TACR1: variants seen among roughly 807,000 people sequenced by gnomAD.
TACR1 encodes the protein tachykinin receptor 1, also known as substance-P receptor.
A neutral mutation model predicts 35.8 loss-of-function variants in TACR1; 25 were observed. The observed-to-expected ratio is 0.70, with a 90% CI of 0.51 to 0.98. The LOEUF (loss-of-function observed/expected upper bound fraction) is 0.98. Among genes scored for constraint, TACR1 ranks in the 50% least tolerant of loss-of-function variants. TACR1 has a pLI of 0.00. For synonymous variants in TACR1, 195 were observed against 206.7 expected (o/e 0.94, Z 0.48); for missense variants, 478 against 522.9 (o/e 0.91, Z 0.84).
chr2:75,199,206 C>A lies in TACR1; in HGVS notation c.-272G>T. On this transcript the variant is annotated 5_prime_UTR_variant, in exon 1 of 5. Coordinates refer to ENST00000305249, the MANE Select transcript of TACR1 (RefSeq NM_001058.4). ...TCAGAAGTCTGGAGACAGCATCTCT[C>A]TTGCGGTAAACTGAAAAAGGGAAAG... 1 of 426,158 alleles carries A rather than the reference C, an allele frequency of 2.3e-6. No homozygotes were observed. The highest frequency in any genetic ancestry group is 4.2e-6 in the Non-Finnish European group (1 of 235,788). The allele number at this position is 426,158 out of a possible 1,614,324, so 26.4% of individuals were successfully genotyped here. A position where few individuals can be genotyped will look rare whatever the true frequency, so the allele number is the denominator to read the frequency against.
intron 2 of TACR1, among the ~76,000 whole-genome samples, chr2:75,071,667 C>T (rs911203254): frequency 6.6e-6 from 1 of 152,206 alleles, no homozygotes; most frequent in Non-Finnish European, 1.5e-5. Flanking sequence ...AATGACCTTC[C>T]TGTCCAGGCT....
intron 1 of TACR1, among the ~76,000 whole-genome samples, chr2:75,158,812 G>GCCAACA (rs1674929829): frequency 6.6e-6 from 1 of 152,142 alleles, no homozygotes; most frequent in Non-Finnish European, 1.5e-5. Context: ...TGATTTAGCT[G>GCCAACA]GAGTTGGGCC....
chr2:75,129,902 G>A (rs1218351773), intron 1 of TACR1, among the ~76,000 whole-genome samples: 1 of 152,136 alleles, frequency 6.6e-6, no homozygotes, highest in Non-Finnish European at 1.5e-5. Flanking sequence ...GAAGGGGAAT[G>A]ATATTTCCCT....
intron 2 of TACR1, among the ~76,000 whole-genome samples, chr2:75,113,212 T>C (rs17010754): frequency 6.6e-6 from 1 of 152,018 alleles, no homozygotes; most frequent in Non-Finnish European, 1.5e-5. Context: ...CATCCATTTA[T>C]TCTTATTGTG....
At chr2:75,051,185 G>A (rs201170635) in intron 4 of TACR1, 66 bp downstream of exon 4, 18 of 1,601,652 alleles carry the variant, frequency 1.1e-5, no homozygotes, top group Middle Eastern at 1.8e-4. Flanking sequence ...TAGGATGGCC[G>A]CTTGGCCACT....
intron 1 of TACR1, chr2:75,154,410 G>GCACACACACACACA (rs766455987): frequency 2.7e-5 from 2 of 75,414 alleles, no homozygotes; most frequent in African/African-American, 9.8e-5. Context: ...GAGCGCGCAC[G>GCACACACACACACA]CACACACACA....
chr2:75,094,806 G>A (rs1475047761), intron 2 of TACR1, among the ~76,000 whole-genome samples: 1 of 145,830 alleles, frequency 6.9e-6, no homozygotes, highest in Non-Finnish European at 1.5e-5. Context: ...AGAGTTTGTG[G>A]GAATGGAAAT....
chr2:75,052,504 C>T (rs968242740), intron 3 of TACR1, among the ~76,000 whole-genome samples: 3 of 151,522 alleles, frequency 2.0e-5, no homozygotes, highest in African/African-American at 7.3e-5. Flanking sequence ...AGCATTCATA[C>T]AATGCTATGC....
chr2:75,182,638 T>G (rs774233410), intron 1 of TACR1, among the ~76,000 whole-genome samples: 1 of 152,226 alleles, frequency 6.6e-6, no homozygotes, highest in Non-Finnish European at 1.5e-5. Flanking sequence ...TATGTTTGGA[T>G]AGACAAAAAC....
chr2:75,100,555 G>A (rs17010738), intron 2 of TACR1, among the ~76,000 whole-genome samples: 12,326 of 152,116 alleles, frequency 0.081, 934 homozygotes, highest in East Asian at 0.28. Context: ...TGACTCTGTG[G>A]TAATGAATGG....
chr2:75,141,822 T>C (rs1674414079), intron 1 of TACR1, among the ~76,000 whole-genome samples: 1 of 152,160 alleles, frequency 6.6e-6, no homozygotes, highest in Non-Finnish European at 1.5e-5. Context: ...TTTTCATACC[T>C]GGGACTGGGC....
chr2:75,177,191 C>T (rs1675442198), intron 1 of TACR1, among the ~76,000 whole-genome samples: 1 of 152,012 alleles, frequency 6.6e-6, no homozygotes, highest in African/African-American at 2.4e-5. Flanking sequence ...ACTACACCAT[C>T]TGCCTGCTGC....
intron 2 of TACR1, among the ~76,000 whole-genome samples, chr2:75,058,888 A>C (rs1385479445): frequency 6.6e-6 from 1 of 152,254 alleles, no homozygotes; most frequent in Non-Finnish European, 1.5e-5. Context: ...TTCTGAAATA[A>C]TCCTCAGCAT....
intron 1 of TACR1, among the ~76,000 whole-genome samples, chr2:75,180,115 G>A (rs530569956): frequency 1.2e-4 from 19 of 152,266 alleles, no homozygotes; most frequent in African/African-American, 4.6e-4. Flanking sequence ...CCAGGTCTTT[G>A]TTCAAGTACC....
intron 3 of TACR1, among the ~76,000 whole-genome samples, chr2:75,052,770 T>C (rs1042364475): frequency 6.6e-6 from 1 of 152,094 alleles, no homozygotes; most frequent in Non-Finnish European, 1.5e-5. Context: ...TGTGTGTGTG[T>C]GCGTGTGTGT....
At chr2:75,166,804 A>G (rs1001556023) in intron 1 of TACR1, among the ~76,000 whole-genome samples, 2 of 152,210 alleles carry the variant, frequency 1.3e-5, no homozygotes, top group Admixed American at 6.6e-5. Flanking sequence ...AGAGAGAAGG[A>G]TGGAGCAGAC....
chr2:75,099,873 T>G (rs1673500478), intron 2 of TACR1, among the ~76,000 whole-genome samples: 1 of 152,194 alleles, frequency 6.6e-6, no homozygotes, highest in Admixed American at 6.5e-5. Flanking sequence ...ATGACTCACG[T>G]TTTTATATCC....
rs186272919 is a variant in TACR1 at position 75,068,228 on chromosome 2, G to T, written c.585-14473C>A. On this transcript the variant is annotated intron_variant, in intron 2 of 4. Transcript: ENST00000305249. ...TAGGCTGGGAACTCAGGTAAGAGTT[G>T]ATGTGGTCTTGAGGCAGAATTCCTT... Among the ~76,000 whole-genome samples the T allele has an allele frequency of 5.5e-4, 84 of 152,282 alleles. 3 individuals carry two copies. Among genetic ancestry groups the T allele is most frequent in the Admixed American group, 5.4e-3 (82 of 15,296 alleles).
At chr2:75,153,679 A>G (rs1257640964) in intron 1 of TACR1, among the ~76,000 whole-genome samples, 3 of 152,214 alleles carry the variant, frequency 2.0e-5, no homozygotes, top group Non-Finnish European at 4.4e-5. Flanking sequence ...AACTTCTGAA[A>G]TTCACCTGGC....
Sources: allele counts gnomAD v4.1 joint callset (sites outside exome capture counted in the v4.1 genomes callset), GRCh38; gene constraint gnomAD v4.1.1; transcripts MANE v1.5; gene names NCBI Gene and HGNC (gene_info 2026-07-23, HGNC 2026-07-21).